The following UBASH3B variants were observed in gnomAD, a reference collection of about 807,000 sequenced individuals.
UBASH3B encodes ubiquitin-associated and SH3 domain-containing protein B.
A neutral mutation model predicts 83.4 loss-of-function variants in UBASH3B; 37 were observed. That is an observed-to-expected ratio of 0.44 (90% CI 0.34 to 0.58). The LOEUF (loss-of-function observed/expected upper bound fraction) is 0.58, where lower values mean the gene tolerates loss of function less well. UBASH3B is among the 20% of genes least tolerant of loss of function. The pLI is 0.01. For missense variants in UBASH3B, 657 were observed against 827.2 expected (o/e 0.79, Z 2.52); for synonymous variants, 304 against 318.3 (o/e 0.96, Z 0.48).
chr11:122,762,386 C>G (rs1285540033), intron 1 of UBASH3B, among the ~76,000 whole-genome samples: 1 of 152,156 alleles, frequency 6.6e-6, no homozygotes, highest in Non-Finnish European at 1.5e-5. Flanking sequence ...CGAGGATCTG[C>G]GAGGAAGAAG....
chr11:122,662,961 C>G (rs1016866012), intron 1 of UBASH3B, among the ~76,000 whole-genome samples: 10 of 148,040 alleles, frequency 6.8e-5, no homozygotes, highest in African/African-American at 2.3e-4. Context: ...TTCCCTCTTA[C>G]GCGCTAATGT....
intron 1 of UBASH3B, among the ~76,000 whole-genome samples, chr11:122,711,266 G>A (rs978584271): frequency 6.6e-6 from 1 of 152,228 alleles, no homozygotes; most frequent in African/African-American, 2.4e-5. Flanking sequence ...CCCATCTCCT[G>A]TCCAAACCTT....
chr11:122,666,385 A>G (rs1234215664), intron 1 of UBASH3B, among the ~76,000 whole-genome samples: 12 of 149,882 alleles, frequency 8.0e-5, no homozygotes, highest in African/African-American at 2.7e-4. Flanking sequence ...TGGCATCTGC[A>G]GTTTCGTTTT....
chr11:122,674,724 GTTTT>G lies in UBASH3B; in HGVS notation c.161+18533_161+18536del, dbSNP rs35117227. ...TCAGCACAGCAAAGCTCTGCAGTTAGTTTTTTTTTTTTTTTTTTTTTTGAGGCGG... is the reference window on the plus strand; with the variant it reads ...TCAGCACAGCAAAGCTCTGCAGTTAGTTTTTTTTTTTTTTTTTTGAGGCGG... On this transcript the variant is annotated intron_variant, in intron 1 of 13. Transcript: ENST00000284273. 3.7e-3 allele frequency among the ~76,000 whole-genome samples: 421 copies of G among 112,296 alleles called. 2 individuals carry two copies. Among genetic ancestry groups the G allele is most frequent in the East Asian group, 0.011 (42 of 3,712 alleles). 73.7% of individuals were successfully genotyped at this position (112,296 alleles called of 152,430 possible).
At chr11:122,796,122 T>C (rs1861152038) in intron 7 of UBASH3B, 34 bp from the exon 8 acceptor site, 2 of 1,611,430 alleles carry the variant, frequency 1.2e-6, no homozygotes, top group African/African-American at 2.7e-5. Flanking sequence ...CTTTGCCATG[T>C]GTGTCTTCAC....
chr11:122,684,238 A>G (rs1863782156), intron 1 of UBASH3B, among the ~76,000 whole-genome samples: 1 of 152,202 alleles, frequency 6.6e-6, no homozygotes, highest in South Asian at 2.1e-4. Context: ...AGATTGATCA[A>G]TGAGGAGTGA....
intron 1 of UBASH3B, among the ~76,000 whole-genome samples, chr11:122,738,765 T>C (rs535176977): frequency 9.7e-4 from 148 of 151,864 alleles, no homozygotes; most frequent in African/African-American, 3.5e-3. Context: ...TGCATGCCTG[T>C]AATCACAGCT....
At chr11:122,685,841 T>G (rs1458399222) in intron 1 of UBASH3B, among the ~76,000 whole-genome samples, 1 of 152,164 alleles carries the variant, frequency 6.6e-6, no homozygotes, top group African/African-American at 2.4e-5. Context: ...TTTTTATAGC[T>G]CGTTACATTT....
chr11:122,660,521 A>T (rs759709348), intron 1 of UBASH3B, among the ~76,000 whole-genome samples: 6 of 152,174 alleles, frequency 3.9e-5, no homozygotes, highest in Non-Finnish European at 7.3e-5. Context: ...AGGCCAGGAG[A>T]GGGTCTGAGC....
intron 1 of UBASH3B, among the ~76,000 whole-genome samples, chr11:122,693,700 C>A (rs1863925382): frequency 6.6e-6 from 1 of 151,960 alleles, no homozygotes; most frequent in Admixed American, 6.6e-5. Flanking sequence ...TGGTGAAACC[C>A]CGTCTCTACT....
In UBASH3B at chr11:122,770,227, C is replaced by T. The variant is rs139347369; in HGVS notation, c.162-5992C>T. On this transcript the variant is annotated intron_variant, in intron 1 of 13. Coordinates refer to ENST00000284273, the MANE Select transcript of UBASH3B (RefSeq NM_032873.5). The stretch of plus-strand genomic sequence containing the variant: ...AGCTCCAAGTAACTGGAAAGCTCAA[C>T]CAATTAGTTTTCTACTTAATTGAAT... Among the ~76,000 whole-genome samples the T allele has an allele frequency of 5.9e-5, 9 of 152,330 alleles. No individual in the cohort carries two copies. The East Asian group carries it at 1.7e-3, about 29-fold the overall frequency.
chr11:122,721,827 T>C (rs2135944626), intron 1 of UBASH3B, among the ~76,000 whole-genome samples: 1 of 152,314 alleles, frequency 6.6e-6, no homozygotes, highest in Admixed American at 6.5e-5. Flanking sequence ...GTTAATGCAT[T>C]TCACTGCTAT....
intron 1 of UBASH3B, chr11:122,773,991 C>T: frequency 1.0e-6 from 1 of 985,180 alleles, no homozygotes; most frequent in Non-Finnish European, 1.2e-6. Context: ...GACTTTAATT[C>T]CTCAGAGATT....
At chr11:122,664,153 C>T (rs1863483470) in intron 1 of UBASH3B, among the ~76,000 whole-genome samples, 1 of 152,174 alleles carries the variant, frequency 6.6e-6, no homozygotes, top group East Asian at 1.9e-4. Context: ...ATTCTGCTCT[C>T]TGTGCTTCTC....
At chr11:122,768,504 GTGTGTA>G (rs1329160302) in intron 1 of UBASH3B, among the ~76,000 whole-genome samples, 29 of 135,278 alleles carry the variant, frequency 2.1e-4, no homozygotes, top group African/African-American at 7.7e-4. Flanking sequence ...GTGTGTGTGT[GTGTGTA>G]TATATATATA....
chr11:122,695,475 A>G (rs1863954730), intron 1 of UBASH3B, among the ~76,000 whole-genome samples: 1 of 152,044 alleles, frequency 6.6e-6, no homozygotes, highest in African/African-American at 2.4e-5. Context: ...AGTCCTCCCA[A>G]CCTTGATAAC....
intron 1 of UBASH3B, among the ~76,000 whole-genome samples, chr11:122,662,432 CTTT>C (rs1555130806): frequency 1.4e-5 from 2 of 138,656 alleles, no homozygotes; most frequent in African/African-American, 2.6e-5. Flanking sequence ...CTTTTCTTTT[CTTT>C]TTTTTTTTTT....
chr11:122,792,721 T>C (rs977528611), intron 6 of UBASH3B, among the ~76,000 whole-genome samples: 9 of 152,224 alleles, frequency 5.9e-5, no homozygotes, highest in African/African-American at 2.2e-4. Context: ...AAGATTTCCT[T>C]GGGCTACAGT....
intron 9 of UBASH3B, among the ~76,000 whole-genome samples, chr11:122,797,732 G>A (rs1861180357): frequency 6.6e-6 from 1 of 152,180 alleles, no homozygotes; most frequent in South Asian, 2.1e-4. Context: ...GAAGAGGTGA[G>A]CTGAGAGCTG....
Sources: gnomAD v4.1 joint callset for allele counts (sites outside exome capture counted in the v4.1 genomes callset) on GRCh38, gnomAD v4.1.1 for gene constraint, MANE v1.5 for transcripts, NCBI Gene and HGNC (gene_info 2026-07-23, HGNC 2026-07-21) for gene names.